KDM2B: variants seen among roughly 807,000 people sequenced by gnomAD.
KDM2B encodes the protein lysine-specific demethylase 2B.
In KDM2B, 26 loss-of-function variants were observed where a neutral mutation model predicts 150.0. That is an observed-to-expected ratio of 0.17 (90% CI 0.13 to 0.24). KDM2B has a LOEUF of 0.24. Ranked by LOEUF, KDM2B falls within the 10% of genes least tolerant of loss-of-function variation. The pLI, the probability that KDM2B is intolerant of heterozygous loss-of-function variation, is 1.00. For synonymous variants in KDM2B, 734 were observed against 729.5 expected (o/e 1.01, Z -0.10); for missense variants, 1,265 against 1,816.9 (o/e 0.70, Z 5.52).
the KDM2B span, chr12:121,423,848 T>C: frequency 2.6e-6 from 1 of 388,660 alleles, no homozygotes; most frequent in Non-Finnish European, 4.7e-6. This position sits in a 1 kb window ranked among gnomAD's most constrained non-coding sequence, Gnocchi z 4.3. Flanking sequence ...GTTTGCGCCA[T>C]GTGGGCATCA....
intron 4 of KDM2B, among the ~76,000 whole-genome samples, chr12:121,550,486 G>A (rs1889402604): frequency 6.6e-6 from 1 of 152,110 alleles, no homozygotes; most frequent in East Asian, 1.9e-4. Flanking sequence ...ATCATTGTGT[G>A]ACCCAGAAGT....
chr12:121,424,348 C>T (rs1872405382), downstream of KDM2B: 1 of 152,626 alleles, frequency 6.6e-6, no homozygotes, highest in South Asian at 2.1e-4. Flanking sequence ...GTTTTAAAAG[C>T]TTTTGTTTAC....
At chr12:121,478,829 A>C (rs1049049823) in intron 12 of KDM2B, among the ~76,000 whole-genome samples, 1 of 146,486 alleles carries the variant, frequency 6.8e-6, no homozygotes, top group Admixed American at 7.0e-5. Flanking sequence ...CTGCGACTAC[A>C]GGCACGTACC....
chr12:121,418,604 T>G, the KDM2B span: 2 of 152,294 alleles, frequency 1.3e-5, no homozygotes. Context: ...GCCTGCAGTC[T>G]GATACTTGGC....
intron 17 of KDM2B, chr12:121,443,325 C>T (rs533876972): frequency 3.2e-4 from 185 of 580,292 alleles, no homozygotes; most frequent in Non-Finnish European, 5.2e-4. Context: ...CTCTGGGAGC[C>T]AGTTCTGGAG....
At chr12:121,421,421 C>T in the KDM2B span, among the ~76,000 whole-genome samples, 2 of 142,100 alleles carry the variant, frequency 1.4e-5, no homozygotes, top group Non-Finnish European at 3.0e-5. Flanking sequence ...GGTGTGGTGG[C>T]ACCAGCCTGT....
In KDM2B at chr12:121,579,728, C is replaced by A. The variant is rs1475098683; in HGVS notation, c.127-782G>T. On this transcript the variant is annotated intron_variant, in intron 1 of 22. Coordinates refer to ENST00000377071, the MANE Select transcript of KDM2B (RefSeq NM_032590.5). ...CTCCACCGCCCAGCGCCCGGCCCCTCAGCCCCCCAGATTCCGGGCGAACCC... is the reference window on the plus strand; with the variant it reads ...CTCCACCGCCCAGCGCCCGGCCCCTAAGCCCCCCAGATTCCGGGCGAACCC... The A allele has an allele frequency of 6.9e-6, 10 of 1,444,972 alleles. No individual in the cohort carries two copies. The South Asian group carries it at 1.2e-4, about 18-fold the overall frequency. 89.5% of individuals were successfully genotyped at this position (1,444,972 alleles called of 1,614,324 possible). A position where few individuals can be genotyped will look rare whatever the true frequency, so the allele number is the denominator to read the frequency against.
Position 121,467,083 on chromosome 12 carries a change from C to T in KDM2B, c.1735-13739G>A, listed in dbSNP as rs1461222256. On this transcript the variant is annotated intron_variant, in intron 12 of 22. Transcript: ENST00000377071. The surrounding 1 kb of genome is among the most constrained non-coding windows in gnomAD (Gnocchi z 5.1). ...CGCGGCGGCGGCGGCGTCGCGGCCG[C>T]CCTCGGCGCGTCAGACAGGCGGTCG... 2.3e-5 allele frequency: 21 copies of T among 905,674 alleles called. No homozygotes were observed. Among genetic ancestry groups the T allele is most frequent in the Admixed American group, 2.1e-4 (4 of 18,900 alleles). The allele number at this position is 905,674 out of a possible 1,614,324, so 56.1% of individuals were successfully genotyped here. A position where few individuals can be genotyped will look rare whatever the true frequency, so the allele number is the denominator to read the frequency against.
At chr12:121,563,604 CA>C (rs35972199) in intron 4 of KDM2B, among the ~76,000 whole-genome samples, 29 of 139,662 alleles carry the variant, frequency 2.1e-4, no homozygotes, top group Non-Finnish European at 2.3e-4. Flanking sequence ...GAGACTCTGC[CA>C]AAAAAAAAAG....
At chr12:121,535,168 C>T (rs1483360307) in intron 6 of KDM2B, among the ~76,000 whole-genome samples, 2 of 151,144 alleles carry the variant, frequency 1.3e-5, no homozygotes, top group South Asian at 2.1e-4. Flanking sequence ...CCTAACTGTG[C>T]GACACTCCTA....
At chr12:121,510,478 C>T (rs1483540844) in intron 10 of KDM2B, among the ~76,000 whole-genome samples, 1 of 152,066 alleles carries the variant, frequency 6.6e-6, no homozygotes, top group Admixed American at 6.6e-5. Context: ...TGGTATCTGG[C>T]ACTTTACTTT....
intron 12 of KDM2B, among the ~76,000 whole-genome samples, chr12:121,492,649 A>C (rs1883480172): frequency 6.6e-6 from 1 of 151,568 alleles, no homozygotes; most frequent in Admixed American, 6.6e-5. Flanking sequence ...CCAACATGGC[A>C]AAACTCTGTC....
intron 1 of KDM2B, chr12:121,579,763 T>A: frequency 8.7e-7 from 1 of 1,149,810 alleles, no homozygotes; most frequent in Non-Finnish European, 1.1e-6. Context: ...CCGAGCCCGC[T>A]CAGCCCCCCT....
chr12:121,418,081 T>TCACA, the KDM2B span: 2 of 706,650 alleles, frequency 2.8e-6, no homozygotes, highest in Non-Finnish European at 4.6e-6. Context: ...ATGTATAGTG[T>TCACA]CTGCTGAGGT....
intron 12 of KDM2B, among the ~76,000 whole-genome samples, chr12:121,487,969 G>A (rs1555299216): frequency 6.6e-6 from 1 of 151,970 alleles, no homozygotes; most frequent in East Asian, 1.9e-4. Flanking sequence ...TTTCAGTACA[G>A]GCAGGGTTTC....
intron 12 of KDM2B, 76 bp downstream of exon 12, chr12:121,494,503 G>T: frequency 1.8e-6 from 2 of 1,113,556 alleles, no homozygotes; most frequent in Non-Finnish European, 2.7e-6. Context: ...TACCCAAAAA[G>T]TCGCGGCTGT....
chr12:121,513,313 G>A lies in KDM2B; in HGVS notation c.1137C>T (p.His379=), dbSNP rs782027443. The change falls in exon 10 of 23, where the codon CAC becomes CAT. Residue 379 remains histidine, a synonymous_variant. Transcript: ENST00000377071. This position sits in a 1 kb window ranked among gnomAD's most constrained non-coding sequence, Gnocchi z 5.0. ...ACTCCCTCTGGTATTCCTGAGTGAG[G>A]TGGGAGCGCTGGGTCACACAGTACA... ...RYVYCVTQRS[H]LTQEYQRESM... 17 of 1,613,628 alleles carry A rather than the reference G, an allele frequency of 1.1e-5. No homozygotes were observed. The East Asian group carries it at 3.3e-4, about 32-fold the overall frequency.
Position 121,442,625 on chromosome 12 carries a change from C to T in KDM2B, c.2816G>A (p.Arg939Gln), listed in dbSNP as rs782655903. Residue 939 changes from arginine (R) to glutamine (Q), a missense_variant, in exon 19 of 23, where the codon CGG (arginine) becomes CAG (glutamine). Physicochemically the swap from Arg to Gln is conservative, Grantham distance 43 (BLOSUM62 1). Transcript: ENST00000377071. The surrounding 1 kb of genome is among the most constrained non-coding windows in gnomAD (Gnocchi z 7.7). Reference protein sequence around the residue: ...EKKKVKMRRKRRLPNKELSRE... With the variant: ...EKKKVKMRRKQRLPNKELSRE... Reference sequence around the variant, plus strand: ...GCTCAGCTCCTTGTTGGGAAGCCGCCGCTTCCGGCGCATCTTCACCTTCTT... The same window carrying T: ...GCTCAGCTCCTTGTTGGGAAGCCGCTGCTTCCGGCGCATCTTCACCTTCTT... 90 of 1,603,018 alleles carry T rather than the reference C, an allele frequency of 5.6e-5. No individual in the cohort carries two copies. Among genetic ancestry groups the T allele is most frequent in the Non-Finnish European group, 7.0e-5 (83 of 1,178,988 alleles).
chr12:121,478,117 G>A (rs1035024924), intron 12 of KDM2B, among the ~76,000 whole-genome samples: 1 of 151,778 alleles, frequency 6.6e-6, no homozygotes, highest in East Asian at 1.9e-4. Flanking sequence ...TAACCCTCCC[G>A]CCTTGGCCTC....
Sources: allele counts gnomAD v4.1 joint callset (sites outside exome capture counted in the v4.1 genomes callset), GRCh38; gene constraint gnomAD v4.1.1; non-coding constraint Gnocchi (gnomAD v3.1); transcripts MANE v1.5; gene names NCBI Gene and HGNC (gene_info 2026-07-23, HGNC 2026-07-21).